The following COL1A1 variants were observed in gnomAD, a reference collection of about 807,000 sequenced individuals.
COL1A1 encodes collagen alpha-1(I) chain.
COL1A1 carries 21 observed loss-of-function variants against 195.7 expected under a neutral mutation model. The ratio of observed to expected loss-of-function variants is 0.11; its 90% CI spans 0.08 to 0.15. The LOEUF (loss-of-function observed/expected upper bound fraction) is 0.15, where lower values mean the gene tolerates loss of function less well. Ranked by LOEUF, COL1A1 falls within the 10% of genes least tolerant of loss-of-function variation. The pLI, the probability that COL1A1 is intolerant of heterozygous loss-of-function variation, is 1.00. For missense variants in COL1A1, 1,365 were observed against 2,051.0 expected, an observed-to-expected ratio of 0.67 and a Z score of 6.46; for synonymous variants, 749 against 747.3, an observed-to-expected ratio of 1.00 and a Z score of -0.04.
intron 46 of COL1A1, 100 bp from the exon 47 acceptor site, chr17:50,187,222 CG>C (rs1906633315): frequency 1.9e-6 from 2 of 1,048,450 alleles, no homozygotes. Context: ...TCTGGCCCCA[CG>C]GCTCATAGAG....
At position 50,199,895 on chromosome 17, in the gene COL1A1, C is replaced by T. The variant is rs1369140907; in HGVS notation, c.156G>A (p.Val52=). 5 of 1,614,104 alleles carry T rather than the reference C, an allele frequency of 3.1e-6. No individual in the cohort carries two copies. The highest frequency in any genetic ancestry group is 2.2e-5 in the South Asian group (2 of 91,088). ...AGATCCGGCAGGGCTCGGGTTTCCA[C>T]ACGTCTCGGTCATGGTACCTGAGGC... ...QNGLRYHDRD[V]WKPEPCRICV... The change falls in exon 2 of 51, where the codon GTG becomes GTA. Residue 52 remains valine (V), a synonymous_variant. Transcript: ENST00000225964.
rs72648337 is a variant in COL1A1 at position 50,194,840 on chromosome 17, C to T, written c.1354-12G>A. On this transcript the variant is annotated splice_polypyrimidine_tract_variant and intron_variant, in intron 20 of 50. Coordinates refer to ENST00000225964, the MANE Select transcript of COL1A1 (RefSeq NM_000088.4). The surrounding 1 kb of genome is among the most constrained non-coding windows in gnomAD (Gnocchi z 6.8). ...ACACCAACAGGGCCCTGGAGAGGGC[C>T]GAGAGGAGGAGGCGGCCTGTGGTGA... 3 of 1,569,236 alleles carry T rather than the reference C, an allele frequency of 1.9e-6. No individual in the cohort carries two copies. Among genetic ancestry groups the T allele is most frequent in the Non-Finnish European group, 2.6e-6 (3 of 1,156,808 alleles).
In COL1A1 at chr17:50,195,225, T is replaced by C. The variant is rs1297039612; in HGVS notation, c.1299+7A>G. On this transcript the variant is annotated splice_region_variant and intron_variant, in intron 19 of 50. Coordinates refer to ENST00000225964, the MANE Select transcript of COL1A1 (RefSeq NM_000088.4). This position sits in a 1 kb window ranked among gnomAD's most constrained non-coding sequence, Gnocchi z 4.3. ...GGGGTGGGCAGAAGGGAGAGTTTGG[T>C]ACTCACGCTGTTACCCTTGGGACCA... The C allele has an allele frequency of 6.2e-7, 1 of 1,611,854 alleles. No individual in the cohort carries two copies. Among genetic ancestry groups the C allele is most frequent in the Non-Finnish European group, 8.5e-7 (1 of 1,178,788 alleles).
At chr17:50,193,602 C>T (rs929269532) in intron 25 of COL1A1, 2 of 357,892 alleles carry the variant, frequency 5.6e-6, no homozygotes, top group Non-Finnish European at 1.1e-5. Context: ...CTGCCTCAGC[C>T]TCCTGACTAG....
rs767179550 is a variant in COL1A1, at chr17:50,190,366, C to T, written c.2412G>A (p.Glu804=). The change falls in exon 35 of 51, where the codon GAG becomes GAA. Residue 804 remains glutamate (E), a synonymous_variant. Coordinates refer to ENST00000225964, the MANE Select transcript of COL1A1 (RefSeq NM_000088.4). This position sits in a 1 kb window ranked among gnomAD's most constrained non-coding sequence, Gnocchi z 4.7. ...AGCCAGCAGGGCCGGGGGGACCAGG[C>T]TCACCACGGTCTCCCTAGAAGAAAA... ...GARGAPGDRG[E]PGPPGPAGFA... 1.2e-6 allele frequency: 2 copies of T among 1,610,698 alleles called. No homozygotes were observed. Among genetic ancestry groups the T allele is most frequent in the East Asian group, 2.2e-5 (1 of 44,760 alleles).
chr17:50,194,783 C>A lies in COL1A1; in HGVS notation c.1399G>T (p.Gly467Ter). The stretch of plus-strand genomic sequence containing the variant: ...GGTTCACCTCGAGCTCCTCGCTTTC[C>A]TTCCTCTCCAGCAGGGCCAGGGGGT... ...QGPPGPAGEEGKRGARGEPGP... is the reference protein window; with the variant it reads ...QGPPGPAGEE The change falls in exon 21 of 51, where the codon GGA (glycine) becomes TGA (stop). Residue 467 changes from glycine to a stop codon, truncating the protein, a stop_gained. Coordinates refer to ENST00000225964, the MANE Select transcript of COL1A1 (RefSeq NM_000088.4). LOFTEE classifies it high-confidence loss of function. The surrounding 1 kb of genome is among the most constrained non-coding windows in gnomAD (Gnocchi z 6.8). 6.3e-7 allele frequency: 1 copy of A among 1,575,034 alleles called. No individual in the cohort carries two copies. Among genetic ancestry groups the A allele is most frequent in the Admixed American group, 1.8e-5 (1 of 55,054 alleles).
In COL1A1 at chr17:50,190,524, A is replaced by G; in HGVS notation, c.2397+19T>C. On this transcript the variant is annotated intron_variant, in intron 34 of 50. Coordinates refer to ENST00000225964, the MANE Select transcript of COL1A1 (RefSeq NM_000088.4). The surrounding 1 kb of genome is among the most constrained non-coding windows in gnomAD (Gnocchi z 4.7). ...GGGAAGGGCCAAGTATGGGGTCTTA[A>G]CAGGTCTTCTGTACTTACGGGGGCA... 1 of 1,612,982 alleles carries G rather than the reference A, an allele frequency of 6.2e-7. No individual in the cohort carries two copies.
At position 50,196,525 on chromosome 17, in the gene COL1A1, C is replaced by T. The variant is rs72645341; in HGVS notation, c.862G>A (p.Glu288Lys). 36 of 1,614,190 alleles carry T rather than the reference C, an allele frequency of 2.2e-5. No individual in the cohort carries two copies. Among genetic ancestry groups the T allele is most frequent in the East Asian group, 4.5e-5 (2 of 44,890 alleles). Residue 288 changes from glutamate (E) to lysine (K), a missense_variant, in exon 13 of 51, where the codon GAG becomes AAG. Physicochemically the swap from Glu to Lys is moderately conservative, Grantham distance 56. Around this residue, in one of 5 missense-constraint regions of COL1A1, gnomAD observed 226 missense variants for 372.9 expected, o/e 0.61. Coordinates refer to ENST00000225964, the MANE Select transcript of COL1A1 (RefSeq NM_000088.4). ...GDAGPAGPKGEPGSPGENGAP... is the reference protein window; with the variant it reads ...GDAGPAGPKGKPGSPGENGAP... ...CCATTTTCACCAGGGCTGCCAGGCT[C>T]ACCCTGTAGATCAGAGAATAATGAG...
intron 5 of COL1A1, 144 bp from the exon 6 acceptor site, chr17:50,198,648 G>T: frequency 1.4e-6 from 1 of 714,440 alleles, no homozygotes; most frequent in Non-Finnish European, 2.5e-6. Context: ...TTCCTGCAAA[G>T]ATGCATCCCT....
intron 3 of COL1A1, 26 bp downstream of exon 3, chr17:50,199,530 G>A (rs983532739): frequency 5.0e-6 from 8 of 1,614,084 alleles, no homozygotes; most frequent in Admixed American, 3.3e-5. Context: ...GCCGCGCAGG[G>A]GCAAAATTCG....
chr17:50,185,706 G>A, intron 50 of COL1A1, 58 bp from the exon 51 acceptor site: 2 of 1,611,970 alleles, frequency 1.2e-6, no homozygotes, highest in Admixed American at 1.7e-5. Flanking sequence ...GATGGAGAGA[G>A]GGCACTATGG....
intron 25 of COL1A1, 134 bp from the exon 26 acceptor site, chr17:50,193,181 C>T (rs1482303921): frequency 2.3e-6 from 2 of 870,514 alleles, no homozygotes. Flanking sequence ...CGGGGAATGC[C>T]CCTGCAGGTG....
chr17:50,184,430 C>A lies in COL1A1; in HGVS notation c.*1072G>T, dbSNP rs1906277725. The A allele has an allele frequency of 4.4e-6, 1 of 228,406 alleles. No individual in the cohort carries two copies. Among genetic ancestry groups the A allele is most frequent in the South Asian group, 1.8e-4 (1 of 5,454 alleles). The allele number at this position is 228,406 out of a possible 1,614,324, so 14.1% of individuals were successfully genotyped here. ...GGCTGGAGCCGCACACGCTCTCCTC[C>A]CATGTTAAATAGCACCTTTAGAAAA... On this transcript the variant is annotated 3_prime_UTR_variant, in exon 51 of 51. Coordinates refer to ENST00000225964, the MANE Select transcript of COL1A1 (RefSeq NM_000088.4).
Position 50,186,287 on chromosome 17 carries a change from AAC to A in COL1A1, c.4005+28_4005+29del. On this transcript the variant is annotated intron_variant, in intron 49 of 50. Transcript: ENST00000225964. The surrounding 1 kb of genome is among the most constrained non-coding windows in gnomAD (Gnocchi z 5.3). ...TGAGCACTGGGCTAGCCCATCTCCT[AAC>A]ACTGGCTCTGAGGTCCAGCTCACGC... 1 of 1,613,482 alleles carries A rather than the reference AAC, an allele frequency of 6.2e-7. No homozygotes were observed. The highest frequency in any genetic ancestry group is 8.5e-7 in the Non-Finnish European group (1 of 1,179,896).
rs1381844520 is a variant in COL1A1, at chr17:50,191,387, T to C, written c.2231A>G (p.Asp744Gly). Reference protein sequence around the residue: ...GAAGLPGPKGDRGDAGPKGAD... With the variant: ...GAAGLPGPKGGRGDAGPKGAD... ...GAGGGGGAAGGTTGAACTTACTCTG[T>C]CACCCTTAGGCCCTGGAAGACCAGC... is the stretch of plus-strand genomic sequence containing the variant. Residue 744 changes from aspartate to glycine, a missense_variant, in exon 32 of 51, where the codon GAC becomes GGC. Asp to Gly is a moderately conservative substitution (Grantham distance 94). This residue lies in a region of COL1A1 where 671 missense variants were observed against 1,099.9 expected (regional missense o/e 0.61). Coordinates refer to ENST00000225964, the MANE Select transcript of COL1A1 (RefSeq NM_000088.4). 2 of 1,613,816 alleles carry C rather than the reference T, an allele frequency of 1.2e-6. No homozygotes were observed. Among genetic ancestry groups the C allele is most frequent in the African/African-American group, 2.7e-5 (2 of 74,888 alleles).
intron 1 of COL1A1, 25 bp from the exon 2 acceptor site, chr17:50,199,972 T>C: frequency 6.2e-7 from 1 of 1,612,734 alleles, no homozygotes; most frequent in South Asian, 1.1e-5. Flanking sequence ...AGAGGGGCGT[T>C]GTCAGTAGTG....
chr17:50,192,846 G>A lies in COL1A1; in HGVS notation c.1826C>T (p.Pro609Leu). 2 of 1,613,922 alleles carry A rather than the reference G, an allele frequency of 1.2e-6. No homozygotes were observed. Among genetic ancestry groups the A allele is most frequent in the Non-Finnish European group, 1.7e-6 (2 of 1,179,984 alleles). ...TCCAGCCTCTCCATCTTTGCCAGCA[G>A]GACCCTGCAGGGAGAGAGCAAAGGG... ...GVPGPPGAVG[P>L]AGKDGEAGAQ... Residue 609 changes from proline (P) to leucine (L), a missense_variant, in exon 27 of 51, where the codon CCT (proline) becomes CTT (leucine). Transcript: ENST00000225964.
rs41316687 is a variant in COL1A1 at position 50,189,830 on chromosome 17, G to A, written c.2613+29C>T. The A allele has an allele frequency of 3.8e-4, 612 of 1,612,708 alleles. 5 individuals are homozygous for A. The East Asian group carries it at 9.6e-3, about 25-fold the overall frequency. ...CACCGCTGCCTGGGGAGAGGGGAGA[G>A]GCTCAACAGAGAGGCGGGTGATACT... is the stretch of plus-strand genomic sequence containing the variant. On this transcript the variant is annotated intron_variant, in intron 37 of 50. Transcript: ENST00000225964. This position sits in a 1 kb window ranked among gnomAD's most constrained non-coding sequence, Gnocchi z 5.5.
rs768943464 is a variant in COL1A1, at chr17:50,195,125, G to A, written c.1300-25C>T. On this transcript the variant is annotated intron_variant, in intron 19 of 50. Coordinates refer to ENST00000225964, the MANE Select transcript of COL1A1 (RefSeq NM_000088.4). The surrounding 1 kb of genome is among the most constrained non-coding windows in gnomAD (Gnocchi z 4.3). ...CCTGCAAGGGGGGAGAAGAGGATGA[G>A]CTGAGAGTCGGGGGCGCTCAGTTGG... is the stretch of plus-strand genomic sequence containing the variant. The A allele has an allele frequency of 2.5e-5, 40 of 1,613,064 alleles. No homozygotes were observed. Among genetic ancestry groups the A allele is most frequent in the Admixed American group, 3.3e-5 (2 of 59,986 alleles).
Sources: allele counts gnomAD v4.1 joint callset, GRCh38; gene constraint gnomAD v4.1.1; regional missense constraint gnomAD v4.1.1; non-coding constraint Gnocchi (gnomAD v3.1); transcripts MANE v1.5; gene names NCBI Gene and HGNC (gene_info 2026-07-23, HGNC 2026-07-21).